PIBF1: variants seen among roughly 807,000 people sequenced by gnomAD.
PIBF1 encodes progesterone immunomodulatory binding factor 1.
A neutral mutation model predicts 112.5 loss-of-function variants in PIBF1; 90 were observed. The ratio of observed to expected loss-of-function variants is 0.80; its 90% CI spans 0.67 to 0.95. PIBF1 has a LOEUF of 0.95. Ranked by LOEUF, PIBF1 falls within the 40% of genes least tolerant of loss-of-function variation. The probability of loss-of-function intolerance (pLI) is 0.00; values close to 1 mark genes in which losing one functional copy is unlikely to be tolerated. For missense variants in PIBF1, 915 were observed against 852.3 expected, an observed-to-expected ratio of 1.07 and a Z score of -0.92; for synonymous variants, 301 against 288.6, an observed-to-expected ratio of 1.04 and a Z score of -0.44.
chr13:72,990,059 TA>T (rs1382851281), intron 16 of PIBF1, among the ~76,000 whole-genome samples: 3 of 148,240 alleles, frequency 2.0e-5, no homozygotes, highest in Non-Finnish European at 4.5e-5. Flanking sequence ...ACTAAAAATA[TA>T]AAAATTAGCT....
At chr13:72,786,144 CTTA>C (rs2034586460) in intron 2 of PIBF1, among the ~76,000 whole-genome samples, 1 of 152,196 alleles carries the variant, frequency 6.6e-6, no homozygotes, top group Non-Finnish European at 1.5e-5. Flanking sequence ...TAATAATAAA[CTTA>C]TTATTTACAT....
intron 14 of PIBF1, among the ~76,000 whole-genome samples, chr13:72,937,335 A>G (rs925433697): frequency 1.3e-5 from 2 of 152,086 alleles, no homozygotes; most frequent in Non-Finnish European, 2.9e-5. Context: ...TGGTTGATTT[A>G]GATTATAGTG....
At chr13:72,998,751 A>T in intron 16 of PIBF1, 71 bp from the exon 17 acceptor site, 1 of 971,312 alleles carries the variant, frequency 1.0e-6, no homozygotes, top group Non-Finnish European at 1.5e-6. Context: ...AAAATATTTT[A>T]ATATTAATCA....
Position 72,893,789 on chromosome 13 carries a change from G to C in PIBF1, c.1328G>C (p.Arg443Thr), listed in dbSNP as rs757321557. The C allele has an allele frequency of 7.0e-6, 11 of 1,573,714 alleles. No individual in the cohort carries two copies. Among genetic ancestry groups the C allele is most frequent in the Non-Finnish European group, 9.5e-6 (11 of 1,159,978 alleles). Residue 443 changes from arginine to threonine, a missense_variant, in exon 11 of 18, where the codon AGA (arginine) becomes ACA (threonine). Coordinates refer to ENST00000326291, the MANE Select transcript of PIBF1 (RefSeq NM_006346.4). The stretch of plus-strand genomic sequence containing the variant: ...AACCATTCTGCTTCTTTCAGGTACA[G>C]AGAACTACAACTTAGTACAGAAAGC... ...EKHDQLLDRY[R>T]ELQLSTESKV... is the part of the protein sequence containing the mutation.
chr13:72,876,638 ATAT>A (rs1379939634), intron 10 of PIBF1, among the ~76,000 whole-genome samples: 1 of 152,100 alleles, frequency 6.6e-6, no homozygotes, highest in Non-Finnish European at 1.5e-5. Context: ...GATCTTGTAC[ATAT>A]TATTTTAGAC....
chr13:72,958,735 G>T (rs1274822484), intron 14 of PIBF1, among the ~76,000 whole-genome samples: 3 of 152,166 alleles, frequency 2.0e-5, no homozygotes, highest in Non-Finnish European at 1.5e-5. Context: ...TATTACCGCT[G>T]TTAAAGATGA....
rs116295169 is a variant in PIBF1, at chr13:73,012,564, C to T, written c.2224-3305C>T. On this transcript the variant is annotated intron_variant, in intron 17 of 17. Coordinates refer to ENST00000326291, the MANE Select transcript of PIBF1 (RefSeq NM_006346.4). ...CAACATAAGAGACCCTGTCTACACACACACACACACCAAAAAAAACAAAAA... is the reference window on the plus strand; with the variant it reads ...CAACATAAGAGACCCTGTCTACACATACACACACACCAAAAAAAACAAAAA... Among the ~76,000 whole-genome samples, 774 of 148,914 alleles carry T rather than the reference C, an allele frequency of 5.2e-3. 11 individuals are homozygous for T. Among genetic ancestry groups the T allele is most frequent in the African/African-American group, 0.018 (719 of 40,670 alleles).
chr13:72,787,527 G>C (rs1593879430), intron 2 of PIBF1, among the ~76,000 whole-genome samples: 2 of 152,318 alleles, frequency 1.3e-5, no homozygotes, highest in East Asian at 3.9e-4. Context: ...GAAATGAACA[G>C]GGTCCCCAAA....
At chr13:72,876,465 C>A (rs1035892310) in intron 10 of PIBF1, among the ~76,000 whole-genome samples, 4 of 152,052 alleles carry the variant, frequency 2.6e-5, no homozygotes, top group African/African-American at 7.2e-5. Flanking sequence ...TCTATATCCA[C>A]AAAATAGATT....
rs546571911 is a variant in PIBF1 at position 72,954,597 on chromosome 13, G to A, written c.1834-10677G>A. 2.0e-5 allele frequency among the ~76,000 whole-genome samples: 3 copies of A among 152,282 alleles called. No individual in the cohort carries two copies. In the South Asian group the frequency reaches 6.2e-4, roughly 32 times the overall value. On this transcript the variant is annotated intron_variant, in intron 14 of 17. Transcript: ENST00000326291. Reference sequence around the variant, plus strand: ...ATGTATTCTCCACGCTCACTAAATTGGCTCCCATACTGAGTAGGGTTAAGG... The same window carrying A: ...ATGTATTCTCCACGCTCACTAAATTAGCTCCCATACTGAGTAGGGTTAAGG...
At chr13:72,791,318 T>G (rs991360801) in intron 2 of PIBF1, among the ~76,000 whole-genome samples, 2 of 152,140 alleles carry the variant, frequency 1.3e-5, no homozygotes, top group Admixed American at 1.3e-4. Context: ...CCTCCCAAAG[T>G]GCTGGGATTA....
At chr13:72,793,501 A>G (rs2035037936) in intron 3 of PIBF1, among the ~76,000 whole-genome samples, 1 of 152,178 alleles carries the variant, frequency 6.6e-6, no homozygotes, top group African/African-American at 2.4e-5. Flanking sequence ...GTGCATTTTT[A>G]CTGGGTTCGC....
intron 17 of PIBF1, among the ~76,000 whole-genome samples, chr13:73,015,078 G>A (rs1046394571): frequency 1.2e-4 from 18 of 152,116 alleles, no homozygotes; most frequent in Admixed American, 7.2e-4. Flanking sequence ...GGGCCACCGC[G>A]CCCATCGTCA....
intron 16 of PIBF1, among the ~76,000 whole-genome samples, chr13:72,981,639 TAATA>T (rs1249060647): frequency 1.3e-5 from 2 of 152,218 alleles, no homozygotes; most frequent in Non-Finnish European, 2.9e-5. Context: ...AGTAGCTGTG[TAATA>T]AATGAATGAT....
chr13:72,849,920 A>G (rs780992919), intron 9 of PIBF1, among the ~76,000 whole-genome samples: 1 of 152,230 alleles, frequency 6.6e-6, no homozygotes, highest in Non-Finnish European at 1.5e-5. Context: ...TGTGACAATT[A>G]AATGAGTTGT....
chr13:72,891,424 T>C (rs1441799509), intron 10 of PIBF1, among the ~76,000 whole-genome samples: 1 of 152,168 alleles, frequency 6.6e-6, no homozygotes, highest in Non-Finnish European at 1.5e-5. Flanking sequence ...TTTATATTTA[T>C]AAAACAACTT....
intron 10 of PIBF1, among the ~76,000 whole-genome samples, chr13:72,874,246 T>C (rs934204313): frequency 3.3e-5 from 5 of 152,196 alleles, no homozygotes; most frequent in African/African-American, 9.6e-5. Flanking sequence ...TTCCTATTTC[T>C]AGTTATTTAC....
chr13:72,868,828 T>TAAAAAAAA (rs56290400), intron 10 of PIBF1, among the ~76,000 whole-genome samples: 2 of 114,270 alleles, frequency 1.8e-5, no homozygotes, highest in African/African-American at 3.3e-5. Flanking sequence ...TCCCAAAAAG[T>TAAAAAAAA]AAAAAAAAAA....
At chr13:72,987,178 T>G (rs1398465732) in intron 16 of PIBF1, among the ~76,000 whole-genome samples, 1 of 152,172 alleles carries the variant, frequency 6.6e-6, no homozygotes, top group Non-Finnish European at 1.5e-5. Flanking sequence ...TAAGACTTAG[T>G]GAAAGATAAG....
Sources: allele counts gnomAD v4.1 joint callset (sites outside exome capture counted in the v4.1 genomes callset), GRCh38; gene constraint gnomAD v4.1.1; transcripts MANE v1.5; gene names NCBI Gene and HGNC (gene_info 2026-07-23, HGNC 2026-07-21).